NAA35: variants seen among roughly 807,000 people sequenced by gnomAD.
The protein encoded by NAA35 is MAK10 homolog, amino-acid N-acetyltransferase subunit.
In NAA35, 18 loss-of-function variants were observed where a neutral mutation model predicts 101.7. The observed-to-expected ratio is 0.18, with a 90% confidence interval of 0.12 to 0.26. The LOEUF is 0.26. Among genes scored for constraint, NAA35 ranks in the 10% least tolerant of loss-of-function variants. The pLI, the probability that NAA35 is intolerant of heterozygous loss-of-function variation, is 1.00. For missense variants in NAA35, 601 were observed against 886.8 expected, an observed-to-expected ratio of 0.68 and a Z score of 4.09; for synonymous variants, 267 against 273.1, an observed-to-expected ratio of 0.98 and a Z score of 0.22.
intron 9 of NAA35, among the ~76,000 whole-genome samples, chr9:85,977,162 A>G (rs1488255983): frequency 2.0e-5 from 3 of 152,074 alleles, no homozygotes; most frequent in Non-Finnish European, 4.4e-5. Flanking sequence ...TGATATAGAA[A>G]CTTCACATTC....
chr9:86,009,908 T>G lies in NAA35; in HGVS notation c.1267T>G (p.Ser423Ala), dbSNP rs1831824117. 2 of 1,613,268 alleles carry G rather than the reference T, an allele frequency of 1.2e-6. No homozygotes were observed. The highest frequency in any genetic ancestry group is 2.7e-5 in the African/African-American group (2 of 74,912). ...TCACCAGGCTAAGGACTGTATCGACTCCTTTGTTACTCACTGTGTTCGGGT... is the reference window on the plus strand; with the variant it reads ...TCACCAGGCTAAGGACTGTATCGACGCCTTTGTTACTCACTGTGTTCGGGT... Reference protein sequence around the residue: ...NNHQAKDCIDSFVTHCVRPFC... With the variant: ...NNHQAKDCIDAFVTHCVRPFC... The change falls in exon 15 of 23, where the codon TCC (serine) becomes GCC (alanine). Residue 423 changes from serine (S) to alanine (A), a missense_variant. Physicochemically the swap from Ser to Ala is moderately conservative, Grantham distance 99. Around this residue, in one of 8 missense-constraint regions of NAA35, gnomAD observed 190 missense variants for 223.1 expected, o/e 0.85. Transcript: ENST00000361671.
At chr9:85,942,104 T>G (rs1828545097) in intron 1 of NAA35, 51 bp from the exon 2 acceptor site, 1 of 1,588,070 alleles carries the variant, frequency 6.3e-7, no homozygotes, top group African/African-American at 1.4e-5. Flanking sequence ...CTGCAAATAC[T>G]CTTGCCCTGA....
chr9:85,993,028 T>C (rs1050260692), intron 11 of NAA35, among the ~76,000 whole-genome samples: 1 of 151,892 alleles, frequency 6.6e-6, no homozygotes, highest in Non-Finnish European at 1.5e-5. Flanking sequence ...AGTTATGATA[T>C]ATCTACACAA....
intron 6 of NAA35, among the ~76,000 whole-genome samples, chr9:85,972,571 C>T (rs1189687986): frequency 7.2e-6 from 1 of 139,618 alleles, no homozygotes; most frequent in African/African-American, 2.7e-5. Context: ...AAAAGAAAAA[C>T]CTAAATTTTT....
chr9:85,997,487 G>T (rs555376493), intron 12 of NAA35, among the ~76,000 whole-genome samples: 2 of 152,004 alleles, frequency 1.3e-5, no homozygotes, highest in Admixed American at 1.3e-4. Context: ...GACTGCAAGC[G>T]TGTGCCACCA....
chr9:86,007,545 C>A, intron 14 of NAA35, 81 bp downstream of exon 14: 1 of 951,074 alleles, frequency 1.1e-6, no homozygotes, highest in East Asian at 2.5e-5. Flanking sequence ...TCTTTATAGC[C>A]AAAGTATCAA....
At chr9:85,979,042 A>C (rs573170673) in intron 11 of NAA35, among the ~76,000 whole-genome samples, 3 of 152,234 alleles carry the variant, frequency 2.0e-5, no homozygotes, top group African/African-American at 7.2e-5. Context: ...TTTTTGTCTG[A>C]GAGATTGTCA....
At chr9:85,946,389 T>A (rs1828763571) in intron 2 of NAA35, among the ~76,000 whole-genome samples, 1 of 152,184 alleles carries the variant, frequency 6.6e-6, no homozygotes, top group South Asian at 2.1e-4. Flanking sequence ...CCTCAGCTTC[T>A]AGGCTTTATC....
chr9:85,976,804 C>A, intron 9 of NAA35, 69 bp downstream of exon 9: 1 of 1,206,446 alleles, frequency 8.3e-7, no homozygotes, highest in Non-Finnish European at 1.2e-6. Flanking sequence ...GTTTTATGAA[C>A]TGCGTTATAA....
At chr9:86,015,660 C>T in intron 17 of NAA35, 3 of 841,320 alleles carry the variant, frequency 3.6e-6, no homozygotes, top group South Asian at 5.5e-5. Context: ...AATATCAGCA[C>T]TCTCTTAGAC....
intron 6 of NAA35, among the ~76,000 whole-genome samples, chr9:85,966,423 A>G (rs777266190): frequency 2.6e-5 from 4 of 152,254 alleles, no homozygotes; most frequent in Non-Finnish European, 4.4e-5. Context: ...CTCAGGCCCA[A>G]ATGAATAAAT....
At chr9:85,989,475 C>T (rs1171675699) in intron 11 of NAA35, among the ~76,000 whole-genome samples, 1 of 150,566 alleles carries the variant, frequency 6.6e-6, no homozygotes, top group Non-Finnish European at 1.5e-5. Flanking sequence ...TGTCAAAAAA[C>T]AAAAAACAAA....
At position 85,976,689 on chromosome 9, in the gene NAA35, C is replaced by A. The variant is rs2118048499; in HGVS notation, c.632C>A (p.Thr211Asn). The change falls in exon 9 of 23, where the codon ACT becomes AAT. Residue 211 changes from threonine to asparagine, a missense_variant. By Grantham distance (65) the Thr-to-Asn change is moderately conservative. This residue lies in a region of NAA35 where 86 missense variants were observed against 169.4 expected (regional missense o/e 0.51). Transcript: ENST00000361671. ...EDDMQRRVKS[T>N]RSRQGEERDP... ...TCACCTTTTTTAAAATTTTAGAGTA[C>A]TCGAAGTCGACAAGGAGAAGAAAGA... 6.3e-7 allele frequency: 1 copy of A among 1,583,764 alleles called. No homozygotes were observed. The highest frequency in any genetic ancestry group is 1.2e-5 in the South Asian group (1 of 85,658).
chr9:85,966,609 T>C, intron 6 of NAA35: 2 of 1,296,680 alleles, frequency 1.5e-6, no homozygotes, highest in Non-Finnish European at 2.0e-6. Flanking sequence ...TCGCGGCTCC[T>C]AGAACTGATT....
chr9:85,968,507 G>A (rs1480645799), intron 6 of NAA35, among the ~76,000 whole-genome samples: 3 of 152,098 alleles, frequency 2.0e-5, no homozygotes, highest in Admixed American at 1.3e-4. Context: ...CACCGTGCCC[G>A]GCCAAATTTG....
chr9:85,961,923 A>G (rs577340966), intron 5 of NAA35, 90 bp from the exon 6 acceptor site: 79 of 964,146 alleles, frequency 8.2e-5, no homozygotes, highest in African/African-American at 2.5e-4. Flanking sequence ...ATTTGGGTCT[A>G]TGGTGCTCTG....
intron 6 of NAA35, among the ~76,000 whole-genome samples, chr9:85,966,086 T>G (rs1445038170): frequency 6.6e-6 from 1 of 152,122 alleles, no homozygotes; most frequent in East Asian, 1.9e-4. Flanking sequence ...ACTGCAGATG[T>G]GTTCCACCAC....
At chr9:85,955,340 A>T in intron 2 of NAA35, among the ~76,000 whole-genome samples, 1 of 65,952 alleles carries the variant, frequency 1.5e-5, no homozygotes, top group Non-Finnish European at 3.1e-5. Flanking sequence ...ATATATATAT[A>T]TATATATATA....
At position 85,996,407 on chromosome 9, in the gene NAA35, A is replaced by T. The variant is rs141991899; in HGVS notation, c.886A>T (p.Ile296Phe). 6.3e-7 allele frequency: 1 copy of T among 1,578,178 alleles called. No individual in the cohort carries two copies. The highest frequency in any genetic ancestry group is 2.1e-5 in the Admixed American group (1 of 48,476). ...CATTTTTTTCTTTTTAGATCATCCA[A>T]TTATGATGGGTTTTGAACCCCTTGT... ...QNDTTKGDHP[I>F]MMGFEPLVNQ... The change falls in exon 12 of 23, where the codon ATT becomes TTT. Residue 296 changes from isoleucine (I) to phenylalanine (F), a missense_variant. Ile to Phe is a conservative substitution (Grantham distance 21). This residue lies in a region of NAA35 where 190 missense variants were observed against 223.1 expected (regional missense o/e 0.85). Coordinates refer to ENST00000361671, the MANE Select transcript of NAA35 (RefSeq NM_024635.4).
Sources: allele counts gnomAD v4.1 joint callset (sites outside exome capture counted in the v4.1 genomes callset), GRCh38; gene constraint gnomAD v4.1.1; regional missense constraint gnomAD v4.1.1; transcripts MANE v1.5; gene names NCBI Gene and HGNC (gene_info 2026-07-23, HGNC 2026-07-21).